The following SPOCK1 variants were observed in gnomAD, a reference collection of about 807,000 sequenced individuals.
SPOCK1 encodes testican-1.
SPOCK1 carries 23 observed loss-of-function variants against 55.3 expected under a neutral mutation model. That is an observed-to-expected ratio of 0.42 (90% confidence interval 0.30 to 0.59). SPOCK1 has a LOEUF of 0.59. SPOCK1 is among the 20% of genes least tolerant of loss of function. The pLI, the probability that SPOCK1 is intolerant of heterozygous loss-of-function variation, is 0.22. For synonymous variants in SPOCK1, 226 were observed against 221.0 expected, an observed-to-expected ratio of 1.02 and a Z score of -0.20; for missense variants, 499 against 552.5, an observed-to-expected ratio of 0.90 and a Z score of 0.97.
At chr5:137,021,736 C>T (rs1751577730) in intron 6 of SPOCK1, among the ~76,000 whole-genome samples, 1 of 152,116 alleles carries the variant, frequency 6.6e-6, no homozygotes, top group African/African-American at 2.4e-5. Context: ...GGTTGTTCAA[C>T]ATCCTTGGAA....
intron 3 of SPOCK1, among the ~76,000 whole-genome samples, chr5:137,188,475 A>G (rs1755115213): frequency 6.6e-6 from 1 of 152,118 alleles, no homozygotes; most frequent in African/African-American, 2.4e-5. Context: ...GTGCTCTGTG[A>G]TCAGTGATCT....
intron 3 of SPOCK1, among the ~76,000 whole-genome samples, chr5:137,200,700 G>A (rs1755410146): frequency 6.6e-6 from 1 of 151,938 alleles, no homozygotes; most frequent in East Asian, 1.9e-4. Flanking sequence ...TGTGCTGAAT[G>A]TGCAGGTTAC....
At chr5:137,453,424 C>G (rs1409733003) in intron 2 of SPOCK1, among the ~76,000 whole-genome samples, 1 of 152,146 alleles carries the variant, frequency 6.6e-6, no homozygotes, top group Non-Finnish European at 1.5e-5. Flanking sequence ...CCAAAAACAG[C>G]CCAGTAGTAA....
At chr5:137,160,766 G>T (rs1263862518) in intron 3 of SPOCK1, among the ~76,000 whole-genome samples, 1 of 138,480 alleles carries the variant, frequency 7.2e-6, no homozygotes, top group African/African-American at 2.7e-5. Context: ...CTTCTACACT[G>T]CTGGTGGGAA....
chr5:137,368,473 T>A (rs150825072), intron 2 of SPOCK1, among the ~76,000 whole-genome samples: 14 of 152,094 alleles, frequency 9.2e-5, no homozygotes, highest in African/African-American at 3.4e-4. Flanking sequence ...TAGGCAGCAA[T>A]GGGAGAGGCT....
chr5:137,297,444 A>T (rs1167285421), intron 2 of SPOCK1, among the ~76,000 whole-genome samples: 1 of 152,146 alleles, frequency 6.6e-6, no homozygotes, highest in Non-Finnish European at 1.5e-5. Flanking sequence ...AAGCAAATAT[A>T]AAAAAAACTT....
At chr5:137,001,096 G>A (rs778339559) in intron 6 of SPOCK1, among the ~76,000 whole-genome samples, 3 of 152,142 alleles carry the variant, frequency 2.0e-5, no homozygotes, top group East Asian at 1.9e-4. Context: ...CTGAGACTAC[G>A]GACAGGTTAC....
At chr5:137,203,652 C>T (rs769819467) in intron 3 of SPOCK1, among the ~76,000 whole-genome samples, 8 of 152,176 alleles carry the variant, frequency 5.3e-5, no homozygotes, top group Non-Finnish European at 8.8e-5. Flanking sequence ...CATCTTCTCT[C>T]TATAATCCTC....
Position 137,302,747 on chromosome 5 carries a change from C to T in SPOCK1, c.187-35692G>A, listed in dbSNP as rs367644946. Among the ~76,000 whole-genome samples, 7 of 152,030 alleles carry T rather than the reference C, an allele frequency of 4.6e-5. No individual in the cohort carries two copies. The East Asian group carries it at 9.6e-4, about 21-fold the overall frequency. ...CAGGAGTAAGGTACACCTTCTAAAA[C>T]GTCCTTGAACTCTGCATCCACGAGG... On this transcript the variant is annotated intron_variant, in intron 2 of 10. Coordinates refer to ENST00000394945, the MANE Select transcript of SPOCK1 (RefSeq NM_004598.4).
At chr5:137,482,522 C>T (rs1425281285) in intron 2 of SPOCK1, among the ~76,000 whole-genome samples, 1 of 152,138 alleles carries the variant, frequency 6.6e-6, no homozygotes, top group Non-Finnish European at 1.5e-5. Context: ...TGCCACAATA[C>T]AGGAGCCAAG....
chr5:137,307,817 A>C (rs148902568), intron 2 of SPOCK1, among the ~76,000 whole-genome samples: 1 of 152,218 alleles, frequency 6.6e-6, no homozygotes, highest in African/African-American at 2.4e-5. Context: ...GGTGACTGCC[A>C]ACATCTGAAG....
At chr5:137,192,162 C>T (rs1035027944) in intron 3 of SPOCK1, among the ~76,000 whole-genome samples, 4 of 135,146 alleles carry the variant, frequency 3.0e-5, no homozygotes, top group Non-Finnish European at 6.2e-5. Flanking sequence ...TGCTTGAACC[C>T]GGGAGGTGGA....
At chr5:137,352,497 C>A (rs1157880133) in intron 2 of SPOCK1, among the ~76,000 whole-genome samples, 4 of 152,186 alleles carry the variant, frequency 2.6e-5, no homozygotes, top group Non-Finnish European at 5.9e-5. Flanking sequence ...AAGTTGTTAT[C>A]AATCTTTTTT....
chr5:137,259,152 G>A (rs1479425891), intron 3 of SPOCK1, among the ~76,000 whole-genome samples: 1 of 152,082 alleles, frequency 6.6e-6, no homozygotes, highest in Non-Finnish European at 1.5e-5. Context: ...AGAAAACAAA[G>A]GCTTATAAAT....
chr5:137,403,658 G>A (rs1486046820), intron 2 of SPOCK1, among the ~76,000 whole-genome samples: 1 of 130,524 alleles, frequency 7.7e-6, no homozygotes, highest in Non-Finnish European at 1.6e-5. Flanking sequence ...GGAAGTGAGA[G>A]AATTGGCCAA....
At chr5:137,403,598 T>G (rs955011765) in intron 2 of SPOCK1, among the ~76,000 whole-genome samples, 1 of 151,850 alleles carries the variant, frequency 6.6e-6, no homozygotes, top group African/African-American at 2.4e-5. Context: ...CGGTAGGGTG[T>G]GGCCAGGTTG....
chr5:137,343,825 A>G (rs1040830134), intron 2 of SPOCK1, among the ~76,000 whole-genome samples: 4 of 152,174 alleles, frequency 2.6e-5, no homozygotes, highest in Non-Finnish European at 5.9e-5. Flanking sequence ...GCTGGGGGCT[A>G]CTGACATTCC....
Position 137,333,616 on chromosome 5 carries a change from C to G in SPOCK1, c.187-66561G>C, listed in dbSNP as rs537845940. ...CAAGGCACAAGTGAGAAACTCTTAT[C>G]TGCAGGCCAAGACAGTAAGAGATCC... On this transcript the variant is annotated intron_variant, in intron 2 of 10. Transcript: ENST00000394945. Among the ~76,000 whole-genome samples, 4 of 152,326 alleles carry G rather than the reference C, an allele frequency of 2.6e-5. No individual in the cohort carries two copies. In the South Asian group the frequency reaches 6.2e-4, roughly 24 times the overall value.
At chr5:137,164,453 C>T (rs190720786) in intron 3 of SPOCK1, among the ~76,000 whole-genome samples, 2 of 152,172 alleles carry the variant, frequency 1.3e-5, no homozygotes, top group Admixed American at 1.3e-4. Flanking sequence ...AGCCAGGTAG[C>T]TCACTATGGG....
Sources: gnomAD v4.1 joint callset for allele counts (sites outside exome capture counted in the v4.1 genomes callset) on GRCh38, gnomAD v4.1.1 for gene constraint, MANE v1.5 for transcripts, NCBI Gene and HGNC (gene_info 2026-07-23, HGNC 2026-07-21) for gene names.